DENND1A: variants seen among roughly 807,000 people sequenced by gnomAD.
DENND1A encodes DENN domain-containing protein 1A.
Under a neutral mutation model 113.7 loss-of-function variants are expected in DENND1A, and 51 were observed. The observed-to-expected ratio is 0.45, with a 90% CI of 0.36 to 0.57. The LOEUF is 0.57. Among genes scored for constraint, DENND1A ranks in the 20% least tolerant of loss-of-function variants. DENND1A has a pLI of 0.00. For missense variants in DENND1A, 1,258 were observed against 1,395.9 expected (o/e 0.90, Z 1.57); for synonymous variants, 565 against 570.8 (o/e 0.99, Z 0.14).
At chr9:123,550,960 A>C (rs141900218) in intron 13 of DENND1A, among the ~76,000 whole-genome samples, 1 of 152,338 alleles carries the variant, frequency 6.6e-6, no homozygotes, top group African/African-American at 2.4e-5. Flanking sequence ...TGCTACTCCC[A>C]GAGTTGCCTG....
At chr9:123,567,480 C>T (rs148371922) in intron 12 of DENND1A, among the ~76,000 whole-genome samples, 257 of 152,160 alleles carry the variant, frequency 1.7e-3, no homozygotes, top group Admixed American at 3.0e-3. Context: ...AAATGGACTG[C>T]AAACCAAAAA....
intron 19 of DENND1A, among the ~76,000 whole-genome samples, chr9:123,418,316 C>T (rs967377379): frequency 1.3e-5 from 2 of 152,150 alleles, no homozygotes; most frequent in Non-Finnish European, 2.9e-5. Flanking sequence ...ACCTCTTTGG[C>T]CTTTGTTGGT....
intron 2 of DENND1A, among the ~76,000 whole-genome samples, chr9:123,856,328 C>T (rs962280257): frequency 1.3e-5 from 2 of 152,078 alleles, no homozygotes; most frequent in Non-Finnish European, 2.9e-5. Context: ...AGAAGAGCGC[C>T]CACACTGTCT....
At chr9:123,612,658 G>GAGT (rs2060469252) in intron 10 of DENND1A, among the ~76,000 whole-genome samples, 1 of 152,164 alleles carries the variant, frequency 6.6e-6, no homozygotes, top group South Asian at 2.1e-4. Flanking sequence ...GCTATCCCTA[G>GAGT]AGTAGACATT....
At chr9:123,573,181 T>C (rs1038924212) in intron 12 of DENND1A, among the ~76,000 whole-genome samples, 4 of 152,198 alleles carry the variant, frequency 2.6e-5, no homozygotes, top group African/African-American at 7.2e-5. Flanking sequence ...TTGATTACTG[T>C]AACTTTATAG....
At chr9:123,384,883 G>A (rs1008800354) in intron 22 of DENND1A, among the ~76,000 whole-genome samples, 1 of 152,156 alleles carries the variant, frequency 6.6e-6, no homozygotes, top group Non-Finnish European at 1.5e-5. Context: ...GGGAGGTGGA[G>A]GTTGCAGTGA....
chr9:123,905,805 G>A (rs1377361410), intron 1 of DENND1A, among the ~76,000 whole-genome samples: 5 of 151,006 alleles, frequency 3.3e-5, no homozygotes, highest in African/African-American at 1.2e-4. Flanking sequence ...CAATGAGACA[G>A]AAAGTCAACA....
At chr9:123,865,629 A>G (rs963451404) in intron 2 of DENND1A, among the ~76,000 whole-genome samples, 5 of 152,246 alleles carry the variant, frequency 3.3e-5, no homozygotes, top group African/African-American at 1.2e-4. Context: ...ATGATAGTTC[A>G]AACTGAGAGA....
intron 2 of DENND1A, chr9:123,843,160 C>T: frequency 3.6e-6 from 2 of 552,780 alleles, no homozygotes; most frequent in South Asian, 2.8e-5. Flanking sequence ...ACACACTTGA[C>T]ATGGTTGTGC....
rs1479049415 is a variant in DENND1A, at chr9:123,381,362, GGGAGCCTCGGAACCGCAGCAGTGGAC to G, written c.*44_*69del. On this transcript the variant is annotated 3_prime_UTR_variant, in exon 24 of 24. Transcript: ENST00000394215. This position sits in a 1 kb window ranked among gnomAD's most constrained non-coding sequence, Gnocchi z 4.7. ...AACCTGGGCAGAGAGAGAGTGGCGGGGGAGCCTCGGAACCGCAGCAGTGGACGGACCCTCGGGCCTCGGTGCATCCC... is the reference window on the plus strand; with the variant it reads ...AACCTGGGCAGAGAGAGAGTGGCGGGGGACCCTCGGGCCTCGGTGCATCCC... 21 of 1,404,432 alleles carry G rather than the reference GGGAGCCTCGGAACCGCAGCAGTGGAC, an allele frequency of 1.5e-5. No individual in the cohort carries two copies. The highest frequency in any genetic ancestry group is 2.0e-5 in the Admixed American group (1 of 49,146). 87.0% of individuals were successfully genotyped at this position (1,404,432 alleles called of 1,614,324 possible). A position where few individuals can be genotyped will look rare whatever the true frequency, so the allele number is the denominator to read the frequency against.
chr9:123,696,538 G>A (rs923306288), intron 5 of DENND1A, among the ~76,000 whole-genome samples: 1 of 152,220 alleles, frequency 6.6e-6, no homozygotes, highest in Non-Finnish European at 1.5e-5. Flanking sequence ...ACTGGGGAAA[G>A]AGGAAGAGTG....
chr9:123,485,942 C>A (rs932465396), intron 13 of DENND1A, among the ~76,000 whole-genome samples: 1 of 152,154 alleles, frequency 6.6e-6, no homozygotes, highest in African/African-American at 2.4e-5. Context: ...GAATCCATCT[C>A]CCTGGCCCAT....
Position 123,864,552 on chromosome 9 carries a change from G to A in DENND1A, c.88+14399C>T, listed in dbSNP as rs549125628. 2.6e-5 allele frequency among the ~76,000 whole-genome samples: 4 copies of A among 152,238 alleles called. 1 individual carries two copies. The highest frequency in any genetic ancestry group is 9.6e-5 in the African/African-American group (4 of 41,544). On this transcript the variant is annotated intron_variant, in intron 2 of 23. Coordinates refer to ENST00000394215, the MANE Select transcript of DENND1A (RefSeq NM_001352964.2). ...AAATGGGGAGGAAAAGGCATTCCTC[G>A]CCCAGGGAGACGAATGTGAGAGCGC...
chr9:123,633,877 C>T (rs1008693969), intron 9 of DENND1A, among the ~76,000 whole-genome samples: 1 of 152,200 alleles, frequency 6.6e-6, no homozygotes, highest in Non-Finnish European at 1.5e-5. Context: ...TTCATCCATT[C>T]GCCCATTCAT....
Position 123,738,057 on chromosome 9 carries a change from G to C in DENND1A, c.302+19646C>G, listed in dbSNP as rs78304960. ...ATTGAAATAAGAGAAACGCTATCCT[G>C]AATGTAAAGCACTGAACATGTTAAC... is the stretch of plus-strand genomic sequence containing the variant. On this transcript the variant is annotated intron_variant, in intron 5 of 23. Transcript: ENST00000394215. Among the ~76,000 whole-genome samples the C allele has an allele frequency of 6.9e-3, 1,058 of 152,280 alleles. 12 individuals are homozygous for C. The highest frequency in any genetic ancestry group is 0.024 in the African/African-American group (1,008 of 41,546).
In DENND1A at chr9:123,422,300, A is replaced by G. The variant is rs985603316; in HGVS notation, c.1489-10471T>C. Among the ~76,000 whole-genome samples, 1 of 152,224 alleles carries G rather than the reference A, an allele frequency of 6.6e-6. No homozygotes were observed. The highest frequency in any genetic ancestry group is 1.5e-5 in the Non-Finnish European group (1 of 68,040). ...AGTTACTTTGTCTGCAAGACTGGCA[A>G]CATTCCTGGCATGCTTCTGATCAGG... is the stretch of plus-strand genomic sequence containing the variant. On this transcript the variant is annotated intron_variant, in intron 19 of 23. Coordinates refer to ENST00000394215, the MANE Select transcript of DENND1A (RefSeq NM_001352964.2). This position sits in a 1 kb window ranked among gnomAD's most constrained non-coding sequence, Gnocchi z 4.8.
chr9:123,446,558 CA>C (rs141430383), intron 18 of DENND1A, among the ~76,000 whole-genome samples: 11,072 of 152,196 alleles, frequency 0.073, 534 homozygotes, highest in Non-Finnish European at 0.11. Context: ...TTTTAAAGAT[CA>C]AAGATTTGTA....
chr9:123,390,006 C>T lies in DENND1A; in HGVS notation c.1632-2148G>A, dbSNP rs144305314. Among the ~76,000 whole-genome samples, 804 of 152,348 alleles carry T rather than the reference C, an allele frequency of 5.3e-3. 4 individuals carry two copies. Among genetic ancestry groups the T allele is most frequent in the Non-Finnish European group, 8.9e-3 (608 of 68,032 alleles). ...TTGACCACACTGGGCCCTGGATATT[C>T]CCCCTCCCTGTCACCTTTGCTTGGA... is the stretch of plus-strand genomic sequence containing the variant. On this transcript the variant is annotated intron_variant, in intron 21 of 23. Transcript: ENST00000394215.
At chr9:123,697,039 C>T (rs969207291) in intron 5 of DENND1A, among the ~76,000 whole-genome samples, 1 of 152,100 alleles carries the variant, frequency 6.6e-6, no homozygotes, top group Admixed American at 6.5e-5. Context: ...GCTATACAAA[C>T]CATAAAAGGG....
Sources: gnomAD v4.1 joint callset for allele counts (sites outside exome capture counted in the v4.1 genomes callset) on GRCh38, gnomAD v4.1.1 for gene constraint, Gnocchi (gnomAD v3.1) non-coding constraint, MANE v1.5 for transcripts, NCBI Gene and HGNC (gene_info 2026-07-23, HGNC 2026-07-21) for gene names.